Variants in GRIK1 observed in about 807,000 individuals in gnomAD.
GRIK1 encodes glutamate ionotropic receptor kainate type subunit 1.
A neutral mutation model predicts 105.7 loss-of-function variants in GRIK1; 69 were observed. That is an observed-to-expected ratio of 0.65 (90% CI 0.54 to 0.80). The LOEUF (loss-of-function observed/expected upper bound fraction) is 0.80, where lower values mean the gene tolerates loss of function less well. GRIK1 is among the 30% of genes least tolerant of loss of function. The pLI, the probability that GRIK1 is intolerant of heterozygous loss-of-function variation, is 0.00. For missense variants in GRIK1, 1,109 were observed against 1,167.3 expected (o/e 0.95, Z 0.73); for synonymous variants, 438 against 431.3 (o/e 1.02, Z -0.19).
chr21:29,570,276 G>A (rs2146209793), intron 14 of GRIK1, among the ~76,000 whole-genome samples: 1 of 152,284 alleles, frequency 6.6e-6, no homozygotes, highest in African/African-American at 2.4e-5. Flanking sequence ...GCCGAAGCCG[G>A]TGGATTACAA....
chr21:29,773,711 C>T (rs1006681156), intron 1 of GRIK1, among the ~76,000 whole-genome samples: 1 of 152,102 alleles, frequency 6.6e-6, no homozygotes, highest in Non-Finnish European at 1.5e-5. Context: ...CATCAGATAG[C>T]ATAGCTTATC....
At chr21:29,839,040 A>ATTTCTTTTCT (rs57325641) in intron 1 of GRIK1, among the ~76,000 whole-genome samples, 74 of 150,626 alleles carry the variant, frequency 4.9e-4, no homozygotes, top group South Asian at 4.2e-3. Context: ...TACTATAGGG[A>ATTTCTTTTCT]TTTCTTTTCT....
intron 1 of GRIK1, among the ~76,000 whole-genome samples, chr21:29,808,880 A>C (rs1036008889): frequency 6.6e-6 from 1 of 152,172 alleles, no homozygotes; most frequent in African/African-American, 2.4e-5. Flanking sequence ...CACACAAAGA[A>C]AATCAAGGCT....
At chr21:29,750,136 A>G (rs2065147896) in intron 1 of GRIK1, among the ~76,000 whole-genome samples, 1 of 152,058 alleles carries the variant, frequency 6.6e-6, no homozygotes, top group South Asian at 2.1e-4. Context: ...AGAGGGAAGC[A>G]TCTTTTTGCG....
chr21:29,630,041 T>C (rs1406809961), intron 7 of GRIK1, among the ~76,000 whole-genome samples: 1 of 152,140 alleles, frequency 6.6e-6, no homozygotes, highest in Non-Finnish European at 1.5e-5. Context: ...CACACTATAG[T>C]ACTGACACAG....
chr21:29,823,794 A>G (rs1288165173), intron 1 of GRIK1, among the ~76,000 whole-genome samples: 2 of 151,924 alleles, frequency 1.3e-5, no homozygotes, highest in Admixed American at 1.3e-4. Flanking sequence ...TCTTTTGTGT[A>G]TCTGTTAACT....
At chr21:29,550,720 G>A (rs1425334059) in intron 16 of GRIK1, among the ~76,000 whole-genome samples, 2 of 152,162 alleles carry the variant, frequency 1.3e-5, no homozygotes, top group Non-Finnish European at 2.9e-5. Context: ...TTCTAAACCA[G>A]ATTCCATTTT....
intron 1 of GRIK1, among the ~76,000 whole-genome samples, chr21:29,823,251 T>C (rs779802776): frequency 2.0e-5 from 3 of 151,980 alleles, no homozygotes; most frequent in Non-Finnish European, 4.4e-5. Context: ...TATAAATATA[T>C]ATGCATGTAT....
intron 1 of GRIK1, among the ~76,000 whole-genome samples, chr21:29,796,442 T>A (rs1324938070): frequency 6.6e-6 from 1 of 152,124 alleles, no homozygotes; most frequent in East Asian, 1.9e-4. Flanking sequence ...CCATTGAGAT[T>A]ATATAATTTT....
chr21:29,635,445 A>G (rs572581914), intron 7 of GRIK1, among the ~76,000 whole-genome samples: 4 of 152,296 alleles, frequency 2.6e-5, no homozygotes, highest in African/African-American at 9.6e-5. Flanking sequence ...TTGGGATGCC[A>G]CTTTCTAACA....
intron 4 of GRIK1, among the ~76,000 whole-genome samples, 166 bp downstream of exon 4, chr21:29,672,817 T>C (rs2063184109): frequency 6.6e-6 from 1 of 152,230 alleles, no homozygotes; most frequent in South Asian, 2.1e-4. Flanking sequence ...CCATGAACTC[T>C]CTGAGCCCCT....
chr21:29,553,559 A>G, intron 16 of GRIK1: 1 of 1,563,862 alleles, frequency 6.4e-7, no homozygotes, highest in South Asian at 1.2e-5. Flanking sequence ...AACTGATTAC[A>G]CAGTATGAAC....
At chr21:29,638,847 G>A (rs1037437549) in intron 7 of GRIK1, among the ~76,000 whole-genome samples, 28 of 152,106 alleles carry the variant, frequency 1.8e-4, no homozygotes, top group African/African-American at 6.8e-4. Flanking sequence ...ATCACTACAT[G>A]ACAAATATTT....
intron 1 of GRIK1, among the ~76,000 whole-genome samples, chr21:29,828,775 A>G (rs2067546371): frequency 6.6e-6 from 1 of 152,176 alleles, no homozygotes; most frequent in Non-Finnish European, 1.5e-5. Flanking sequence ...CTAGGATTTC[A>G]GGAATGAGGC....
chr21:29,639,924 C>T (rs971724591), intron 7 of GRIK1, among the ~76,000 whole-genome samples: 3 of 152,094 alleles, frequency 2.0e-5, no homozygotes, highest in Non-Finnish European at 2.9e-5. Flanking sequence ...TTTATCTAGT[C>T]AGCCCCATAC....
chr21:29,829,676 C>T (rs962581714), intron 1 of GRIK1, among the ~76,000 whole-genome samples: 2 of 152,130 alleles, frequency 1.3e-5, no homozygotes, highest in African/African-American at 4.8e-5. Context: ...CTTTGAGGAC[C>T]TCTCTGCCAT....
chr21:29,825,318 G>C (rs771402679), intron 1 of GRIK1, among the ~76,000 whole-genome samples: 2 of 152,008 alleles, frequency 1.3e-5, no homozygotes, highest in Non-Finnish European at 2.9e-5. Flanking sequence ...ATGATATTGA[G>C]AGTATGACTT....
At chr21:29,655,731 C>T (rs1488096255) in intron 4 of GRIK1, among the ~76,000 whole-genome samples, 1 of 152,164 alleles carries the variant, frequency 6.6e-6, no homozygotes, top group African/African-American at 2.4e-5. Flanking sequence ...AGGATAGGGA[C>T]TATTCTGACA....
chr21:29,925,650 A>G (rs2071344166), intron 1 of GRIK1, among the ~76,000 whole-genome samples: 1 of 152,254 alleles, frequency 6.6e-6, no homozygotes. Flanking sequence ...CTTCAGGAAT[A>G]GTACAGCAAA....
Sources: allele counts gnomAD v4.1 joint callset (sites outside exome capture counted in the v4.1 genomes callset), GRCh38; gene constraint gnomAD v4.1.1; transcripts MANE v1.5; gene names NCBI Gene and HGNC (gene_info 2026-07-23, HGNC 2026-07-21).